MYOM1: variants seen among roughly 807,000 people sequenced by gnomAD.
MYOM1 encodes myomesin-1.
Under a neutral mutation model 205.3 loss-of-function variants are expected in MYOM1, and 164 were observed. The observed-to-expected ratio is 0.80, with a 90% CI of 0.70 to 0.91. MYOM1 has a LOEUF of 0.91. Among genes scored for constraint, MYOM1 ranks in the 40% least tolerant of loss-of-function variants. The pLI is 0.00. For synonymous variants in MYOM1, 772 were observed against 789.4 expected (o/e 0.98, Z 0.37); for missense variants, 2,011 against 2,127.3 (o/e 0.95, Z 1.08).
rs1035763612 is a variant in MYOM1 at position 3,211,692 on chromosome 18, T to C, written c.290+3242A>G. On this transcript the variant is annotated intron_variant, in intron 2 of 37. Coordinates refer to ENST00000356443, the MANE Select transcript of MYOM1 (RefSeq NM_003803.4). ...GCATTTAGAGTAAGCCATCCAGAAT[T>C]TACTTTATAGCTCGTGGCTCAGAAC... 5.3e-5 allele frequency among the ~76,000 whole-genome samples: 8 copies of C among 152,226 alleles called. No individual in the cohort carries two copies. The East Asian group carries it at 1.5e-3, about 29-fold the overall frequency.
intron 12 of MYOM1, among the ~76,000 whole-genome samples, chr18:3,150,726 T>C (rs868779237): frequency 2.0e-5 from 3 of 152,318 alleles, no homozygotes; most frequent in Middle Eastern, 6.8e-3. Flanking sequence ...TGGGTTTCCA[T>C]GAAACAAATA....
chr18:3,072,740 C>T (rs746182641), intron 36 of MYOM1, among the ~76,000 whole-genome samples: 84 of 151,856 alleles, frequency 5.5e-4, no homozygotes, highest in Admixed American at 1.0e-3. Flanking sequence ...ATCTAAAATA[C>T]CAGTGTGTGA....
intron 8 of MYOM1, among the ~76,000 whole-genome samples, chr18:3,169,648 A>G (rs913786328): frequency 2.6e-5 from 4 of 152,234 alleles, no homozygotes; most frequent in African/African-American, 9.6e-5. Flanking sequence ...AAGACAGGCA[A>G]TAACGCTGAC....
rs2080149489 is a variant in MYOM1 at position 3,147,658 on chromosome 18, A to C, written c.1900+1487T>G. 3.9e-5 allele frequency among the ~76,000 whole-genome samples: 6 copies of C among 152,208 alleles called. No homozygotes were observed. The South Asian group carries it at 1.2e-3, about 31-fold the overall frequency. On this transcript the variant is annotated intron_variant, in intron 13 of 37. Transcript: ENST00000356443. ...GTATGGTATTGATGGAAGGGGAAAA[A>C]AATTGACCAATAGAGATTCCAGAAA...
intron 37 of MYOM1, 143 bp from the exon 38 acceptor site, chr18:3,067,698 T>C: frequency 1.2e-6 from 1 of 805,362 alleles, no homozygotes; most frequent in Non-Finnish European, 1.9e-6. Flanking sequence ...AGTAGTTCTG[T>C]GTATGCACCT....
chr18:3,233,855 A>C, the MYOM1 span, among the ~76,000 whole-genome samples: 1 of 152,362 alleles, frequency 6.6e-6, no homozygotes, highest in East Asian at 1.9e-4. Flanking sequence ...CGGGAAGAAT[A>C]ACAACAAAAA....
intron 14 of MYOM1, among the ~76,000 whole-genome samples, chr18:3,139,173 T>C (rs550509812): frequency 6.6e-6 from 1 of 152,334 alleles, no homozygotes; most frequent in Admixed American, 6.5e-5. Context: ...CTCATAGGAC[T>C]ACTCTAAGAA....
At chr18:3,241,796 A>C in the MYOM1 span, among the ~76,000 whole-genome samples, 1 of 152,170 alleles carries the variant, frequency 6.6e-6, no homozygotes, top group Non-Finnish European at 1.5e-5. Context: ...GTACCCTGCA[A>C]AGCCACAGGA....
intron 25 of MYOM1, among the ~76,000 whole-genome samples, chr18:3,095,157 T>C (rs984287364): frequency 1.3e-5 from 2 of 152,206 alleles, no homozygotes; most frequent in East Asian, 1.9e-4. Context: ...ATGTCATCTA[T>C]TGAGGGGGTT....
intron 2 of MYOM1, among the ~76,000 whole-genome samples, chr18:3,198,578 G>A (rs1241212169): frequency 6.6e-6 from 1 of 152,094 alleles, no homozygotes; most frequent in Non-Finnish European, 1.5e-5. Context: ...GAGGTCAGGA[G>A]TTCACGACCA....
intron 10 of MYOM1, among the ~76,000 whole-genome samples, chr18:3,163,538 T>C (rs1001547294): frequency 6.6e-6 from 1 of 151,856 alleles, no homozygotes; most frequent in Non-Finnish European, 1.5e-5. Context: ...CTTGAACTTC[T>C]GCCTGCCAGG....
In MYOM1 at chr18:3,069,686, C is replaced by T. The variant is rs2078938785; in HGVS notation, c.4765-2131G>A. Among the ~76,000 whole-genome samples, 3 of 151,342 alleles carry T rather than the reference C, an allele frequency of 2.0e-5. No homozygotes were observed. In the South Asian group the frequency reaches 6.3e-4, roughly 32 times the overall value. The stretch of plus-strand genomic sequence containing the variant: ...TAACAAAATGAAACAAAGTCCCAAA[C>T]ACCCCCTGACAGTCTAGTGGTTAGG... On this transcript the variant is annotated intron_variant, in intron 37 of 37. Transcript: ENST00000356443.
chr18:3,112,409 G>T lies in MYOM1; in HGVS notation c.3307C>A (p.Arg1103=). The T allele has an allele frequency of 6.3e-7, 1 of 1,596,386 alleles. No homozygotes were observed. Among genetic ancestry groups the T allele is most frequent in the Non-Finnish European group, 8.6e-7 (1 of 1,168,570 alleles). The change falls in exon 22 of 38, where the codon CGA becomes AGA. Residue 1103 remains arginine, a synonymous_variant. Coordinates refer to ENST00000356443, the MANE Select transcript of MYOM1 (RefSeq NM_003803.4). ...AAIKNVYLKV[R]GLKEGVSYVF... is the part of the protein sequence containing the mutation. ...TAGCTGACGCCCTCCTTGAGGCCTC[G>T]AACCTGGTAGAAGCAGGTGTAGAAG...
At chr18:3,208,803 C>T (rs2144236526) in intron 2 of MYOM1, among the ~76,000 whole-genome samples, 1 of 152,140 alleles carries the variant, frequency 6.6e-6, no homozygotes, top group African/African-American at 2.4e-5. Flanking sequence ...CTTGATATAT[C>T]AGCAACAATA....
At chr18:3,081,113 AGAGT>A (rs1214732013) in intron 33 of MYOM1, among the ~76,000 whole-genome samples, 1 of 151,372 alleles carries the variant, frequency 6.6e-6, no homozygotes, top group Non-Finnish European at 1.5e-5. Context: ...CCTGGGTGAC[AGAGT>A]GAGACTCCGT....
chr18:3,233,480 C>A, the MYOM1 span, among the ~76,000 whole-genome samples: 1 of 152,152 alleles, frequency 6.6e-6, no homozygotes, highest in Non-Finnish European at 1.5e-5. Flanking sequence ...TTTCCTCAAG[C>A]AAATAATGAA....
rs370601300 is a variant in MYOM1, at chr18:3,164,388, C to T, written c.1391G>A (p.Arg464Gln). The T allele has an allele frequency of 4.3e-5, 69 of 1,610,780 alleles. 1 individual carries two copies. In the African/African-American group the frequency reaches 7.3e-4, roughly 17 times the overall value. ...KWVQTLWSGERATLTFSHLNK... is the reference protein window; with the variant it reads ...KWVQTLWSGEQATLTFSHLNK... ...GAGATGGGAAAATGTCAGCGTTGCC[C>T]GCTCTCCACTCCAAAGTGTTTGCAC... Residue 464 changes from arginine to glutamine, a missense_variant, in exon 10 of 38, where the codon CGG becomes CAG. By Grantham distance (43) the Arg-to-Gln change is conservative. Coordinates refer to ENST00000356443, the MANE Select transcript of MYOM1 (RefSeq NM_003803.4).
intron 33 of MYOM1, among the ~76,000 whole-genome samples, chr18:3,082,159 A>G (rs1291474911): frequency 2.0e-5 from 3 of 152,232 alleles, no homozygotes; most frequent in Non-Finnish European, 4.4e-5. Flanking sequence ...TCAGGTGGTC[A>G]TGCTCGCTCC....
Position 3,150,057 on chromosome 18 carries a change from C to CATT in MYOM1, c.1844-859_1844-857dup, listed in dbSNP as rs547275593. On this transcript the variant is annotated intron_variant, in intron 12 of 37. Coordinates refer to ENST00000356443, the MANE Select transcript of MYOM1 (RefSeq NM_003803.4). ...GACACGGTTGCCGGGGAAATGGTAA[C>CATT]ATTATTATTATTATTATTTTCAGAT... Among the ~76,000 whole-genome samples, 48 of 151,874 alleles carry CATT rather than the reference C, an allele frequency of 3.2e-4. No individual in the cohort carries two copies. The South Asian group carries it at 6.9e-3, about 22-fold the overall frequency.
Sources: gnomAD v4.1 joint callset for allele counts (sites outside exome capture counted in the v4.1 genomes callset) on GRCh38, gnomAD v4.1.1 for gene constraint, MANE v1.5 for transcripts, NCBI Gene and HGNC (gene_info 2026-07-23, HGNC 2026-07-21) for gene names.